The following NTM variants were observed in gnomAD, a reference collection of about 807,000 sequenced individuals.
NTM encodes the protein IgLON family member 2.
Under a neutral mutation model 42.1 loss-of-function variants are expected in NTM, and 13 were observed. The observed-to-expected ratio is 0.31, with a 90% confidence interval of 0.20 to 0.49. The LOEUF (loss-of-function observed/expected upper bound fraction) is 0.49, where lower values mean the gene tolerates loss of function less well. Among genes scored for constraint, NTM ranks in the 20% least tolerant of loss-of-function variants. The pLI, the probability that NTM is intolerant of heterozygous loss-of-function variation, is 0.99. For missense variants in NTM, 373 were observed against 452.8 expected, an observed-to-expected ratio of 0.82 and a Z score of 1.60; for synonymous variants, 187 against 179.2, an observed-to-expected ratio of 1.04 and a Z score of -0.35.
chr11:131,540,358 G>A (rs992536527), intron 1 of NTM, among the ~76,000 whole-genome samples: 2 of 151,922 alleles, frequency 1.3e-5, no homozygotes, highest in African/African-American at 2.4e-5. Flanking sequence ...GTAGAGATGG[G>A]GTTTCACCGT....
At position 132,003,330 on chromosome 11, in the gene NTM, C is replaced by G. The variant is rs2069831082; in HGVS notation, c.167+91682C>G. ...ACGCAATCACAGCTTACTGCAGCCT[C>G]AACCTCCTGGGCTCAAATGATCCTC... On this transcript the variant is annotated intron_variant, in intron 2 of 8. Coordinates refer to ENST00000683400, the MANE Select transcript of NTM (RefSeq NM_001352005.2). This position sits in a 1 kb window ranked among gnomAD's most constrained non-coding sequence, Gnocchi z 6.0. Among the ~76,000 whole-genome samples, 1 of 151,688 alleles carries G rather than the reference C, an allele frequency of 6.6e-6. No homozygotes were observed. Among genetic ancestry groups the G allele is most frequent in the Non-Finnish European group, 1.5e-5 (1 of 67,976 alleles).
chr11:131,689,631 G>A (rs1191182181), intron 1 of NTM, among the ~76,000 whole-genome samples: 1 of 152,190 alleles, frequency 6.6e-6, no homozygotes, highest in African/African-American at 2.4e-5. Flanking sequence ...TTTAGGAGGG[G>A]CTGGCTGGGC....
At chr11:131,500,571 ATATATATTTTTTTTTTTT>A (rs1472879510) in intron 1 of NTM, among the ~76,000 whole-genome samples, 3 of 85,328 alleles carry the variant, frequency 3.5e-5, no homozygotes, top group South Asian at 3.9e-4. Flanking sequence ...ATATATATAT[ATATATATTTTTTTTTTTT>A]TTTTTTGTAT....
At chr11:131,938,547 C>T (rs574229169) in intron 2 of NTM, among the ~76,000 whole-genome samples, 31 of 152,222 alleles carry the variant, frequency 2.0e-4, no homozygotes, top group African/African-American at 6.3e-4. Flanking sequence ...CTTTTCTCTG[C>T]GTACAATGGA....
intron 1 of NTM, among the ~76,000 whole-genome samples, chr11:131,493,660 C>G (rs530331983): frequency 6.6e-6 from 1 of 152,306 alleles, no homozygotes; most frequent in Admixed American, 6.5e-5. Flanking sequence ...CTGGTACCCC[C>G]ATTTCACAGA....
chr11:132,320,107 C>A (rs1448625479), intron 7 of NTM, among the ~76,000 whole-genome samples: 1 of 152,210 alleles, frequency 6.6e-6, no homozygotes, highest in East Asian at 1.9e-4. Flanking sequence ...ACACCAAAAA[C>A]CAATCAGTAC....
chr11:131,638,563 CAAAAAAAAA>C (rs58374119), intron 1 of NTM, among the ~76,000 whole-genome samples: 1 of 53,330 alleles, frequency 1.9e-5, no homozygotes, highest in Non-Finnish European at 3.4e-5. Context: ...GAGACTCCTT[CAAAAAAAAA>C]AAAAAAAAAA....
At chr11:131,907,618 T>C (rs1169507663) in intron 1 of NTM, among the ~76,000 whole-genome samples, 3 of 152,114 alleles carry the variant, frequency 2.0e-5, no homozygotes, top group Non-Finnish European at 2.9e-5. Context: ...TATATGTGTA[T>C]GCACGAAGGA....
intron 1 of NTM, among the ~76,000 whole-genome samples, chr11:131,909,072 G>A (rs140974235): frequency 1.7e-3 from 258 of 152,290 alleles, no homozygotes; most frequent in Middle Eastern, 6.8e-3. Flanking sequence ...GGAACAATTG[G>A]CCCAATGATG....
intron 1 of NTM, among the ~76,000 whole-genome samples, chr11:131,720,555 C>T (rs2078211014): frequency 6.6e-6 from 1 of 152,176 alleles, no homozygotes; most frequent in Admixed American, 6.5e-5. Context: ...GATTCTTACT[C>T]CAATAAAACT....
intron 1 of NTM, among the ~76,000 whole-genome samples, chr11:131,550,018 C>T (rs1355101427): frequency 1.3e-5 from 2 of 152,144 alleles, no homozygotes; most frequent in East Asian, 3.9e-4. Context: ...GTTTACATTG[C>T]TCAGGGGAGG....
intron 2 of NTM, among the ~76,000 whole-genome samples, chr11:132,014,736 GTTTTT>G (rs146527050): frequency 2.4e-5 from 2 of 84,018 alleles, no homozygotes; most frequent in Non-Finnish European, 2.1e-5. Flanking sequence ...AGAATTACTT[GTTTTT>G]TTTTTTTTTT....
intron 1 of NTM, among the ~76,000 whole-genome samples, chr11:131,578,095 T>A (rs1386846450): frequency 1.3e-5 from 2 of 152,156 alleles, no homozygotes; most frequent in African/African-American, 4.8e-5. Flanking sequence ...AATATCTCCA[T>A]CAGCAAGTTG....
At chr11:131,811,376 G>A (rs1044673237) in intron 1 of NTM, among the ~76,000 whole-genome samples, 2 of 152,190 alleles carry the variant, frequency 1.3e-5, no homozygotes, top group African/African-American at 4.8e-5. Context: ...TTGAACCCAA[G>A]TGTACAAATC....
At chr11:132,039,508 G>A (rs1402987239) in intron 2 of NTM, among the ~76,000 whole-genome samples, 1 of 148,728 alleles carries the variant, frequency 6.7e-6, no homozygotes, top group Non-Finnish European at 1.5e-5. Context: ...TGCTGTAATT[G>A]TGAATCTGTT....
chr11:131,991,069 T>C (rs1565897816), intron 2 of NTM, among the ~76,000 whole-genome samples: 2 of 152,196 alleles, frequency 1.3e-5, no homozygotes, highest in Non-Finnish European at 2.9e-5. Context: ...ATGTTTACTA[T>C]ACATTAAGCA....
At chr11:131,678,230 C>T (rs1393190746) in intron 1 of NTM, among the ~76,000 whole-genome samples, 1 of 152,194 alleles carries the variant, frequency 6.6e-6, no homozygotes, top group African/African-American at 2.4e-5. Context: ...CCCTGGACAG[C>T]CTTCTAAGGG....
intron 1 of NTM, among the ~76,000 whole-genome samples, chr11:131,564,095 G>C (rs1008024604): frequency 2.6e-5 from 4 of 152,090 alleles, no homozygotes; most frequent in Non-Finnish European, 4.4e-5. Context: ...TTTGTGCAAG[G>C]CTTTCTCTGC....
intron 4 of NTM, among the ~76,000 whole-genome samples, chr11:132,294,268 G>A (rs1035243537): frequency 1.3e-5 from 2 of 151,824 alleles, no homozygotes; most frequent in Non-Finnish European, 2.9e-5. Flanking sequence ...TGTGCTCTCT[G>A]GCTCTCTCAC....
Sources: gnomAD v4.1 joint callset for allele counts (sites outside exome capture counted in the v4.1 genomes callset) on GRCh38, gnomAD v4.1.1 for gene constraint, Gnocchi (gnomAD v3.1) non-coding constraint, MANE v1.5 for transcripts, NCBI Gene and HGNC (gene_info 2026-07-23, HGNC 2026-07-21) for gene names.